Variants in CBLN2 observed in about 807,000 individuals in gnomAD.
CBLN2 encodes the protein cerebellin 2 precursor, also known as cerebellin-2.
In CBLN2, 7 loss-of-function variants were observed where a neutral mutation model predicts 15.0. The observed-to-expected ratio is 0.47, with a 90% CI of 0.27 to 0.88. The LOEUF (loss-of-function observed/expected upper bound fraction) is 0.88, where lower values mean the gene tolerates loss of function less well. Among genes scored for constraint, CBLN2 ranks in the 40% least tolerant of loss-of-function variants. The probability of loss-of-function intolerance (pLI) is 0.14; values close to 1 mark genes in which losing one functional copy is unlikely to be tolerated. For synonymous variants in CBLN2, 149 were observed against 135.2 expected, an observed-to-expected ratio of 1.10 and a Z score of -0.71; for missense variants, 242 against 304.5, an observed-to-expected ratio of 0.79 and a Z score of 1.53.
intron 1 of CBLN2, among the ~76,000 whole-genome samples, chr18:72,621,168 T>G (rs1157369392): frequency 2.0e-5 from 3 of 152,206 alleles, no homozygotes; most frequent in Non-Finnish European, 4.4e-5. Context: ...AGCGTTATGA[T>G]TCATAATTCT....
intron 1 of CBLN2, among the ~76,000 whole-genome samples, chr18:72,629,026 T>C (rs1307863075): frequency 6.6e-6 from 1 of 152,168 alleles, no homozygotes; most frequent in Non-Finnish European, 1.5e-5. Flanking sequence ...ACCTTGACCC[T>C]ATTAAATATG....
intron 1 of CBLN2, among the ~76,000 whole-genome samples, chr18:72,574,278 A>T (rs900984381): frequency 6.6e-6 from 1 of 152,176 alleles, no homozygotes; most frequent in Non-Finnish European, 1.5e-5. Context: ...AGAATTTTTT[A>T]AATTTTAATC....
At chr18:72,577,733 G>T (rs1170883912) in intron 1 of CBLN2, among the ~76,000 whole-genome samples, 1 of 152,158 alleles carries the variant, frequency 6.6e-6, no homozygotes, top group African/African-American at 2.4e-5. Context: ...AACACAGACG[G>T]ATCCATCACA....
At chr18:72,618,793 G>A in intron 1 of CBLN2, 1 of 735,766 alleles carries the variant, frequency 1.4e-6, no homozygotes, top group Non-Finnish European at 2.5e-6. Context: ...CAACTGTAAA[G>A]TTAGGAAAGC....
At chr18:72,596,189 T>G (rs2144936634) in intron 1 of CBLN2, among the ~76,000 whole-genome samples, 1 of 152,238 alleles carries the variant, frequency 6.6e-6, no homozygotes, top group Admixed American at 6.5e-5. Flanking sequence ...GTTGTATATT[T>G]TTTGATTTGC....
At chr18:72,619,213 G>A in intron 1 of CBLN2, 1 of 936,808 alleles carries the variant, frequency 1.1e-6, no homozygotes, top group Non-Finnish European at 1.7e-6. Flanking sequence ...GGCAGTGGCA[G>A]AAGATTTTAA....
intron 1 of CBLN2, among the ~76,000 whole-genome samples, chr18:72,577,040 T>TTA (rs1001927044): frequency 1.8e-4 from 26 of 147,454 alleles, no homozygotes; most frequent in Non-Finnish European, 2.8e-4. Flanking sequence ...AATGTATAAA[T>TTA]TATATATATA....
upstream of CBLN2, among the ~76,000 whole-genome samples, chr18:72,546,309 C>T (rs1055186739): frequency 1.3e-5 from 2 of 151,840 alleles, no homozygotes; most frequent in African/African-American, 4.8e-5. Flanking sequence ...TGGTGGCGGA[C>T]GCCTGTAGTC....
At chr18:72,538,534 C>A in intron 4 of CBLN2, 119 bp downstream of exon 4, 1 of 1,471,740 alleles carries the variant, frequency 6.8e-7, no homozygotes, top group Non-Finnish European at 9.4e-7. Flanking sequence ...AGAGCCACAT[C>A]ACCCCCTGGA....
intron 1 of CBLN2, among the ~76,000 whole-genome samples, chr18:72,619,578 G>C (rs147701957): frequency 3.6e-4 from 55 of 152,220 alleles, no homozygotes; most frequent in African/African-American, 1.0e-3. Context: ...AGTTTCTTTT[G>C]TACCTTCAGT....
chr18:72,560,581 G>T (rs1330387450), intron 1 of CBLN2, among the ~76,000 whole-genome samples: 1 of 152,216 alleles, frequency 6.6e-6, no homozygotes, highest in African/African-American at 2.4e-5. Context: ...GCAGAGTTGA[G>T]TGGCTGTGAC....
chr18:72,580,927 A>T (rs1311011696), intron 1 of CBLN2, among the ~76,000 whole-genome samples: 2 of 152,152 alleles, frequency 1.3e-5, no homozygotes, highest in Non-Finnish European at 2.9e-5. Flanking sequence ...CCTTGGCCCC[A>T]TCCTGCCCTC....
intron 1 of CBLN2, among the ~76,000 whole-genome samples, chr18:72,596,982 A>G (rs1238607830): frequency 1.3e-5 from 2 of 152,118 alleles, no homozygotes; most frequent in Non-Finnish European, 2.9e-5. Flanking sequence ...GTTCTCTGTT[A>G]TTATCCCTTT....
intron 1 of CBLN2, among the ~76,000 whole-genome samples, chr18:72,550,998 G>A (rs2069188714): frequency 6.6e-6 from 1 of 152,056 alleles, no homozygotes; most frequent in African/African-American, 2.4e-5. Flanking sequence ...GCAGGGCACA[G>A]TGTAAGAGTA....
At chr18:72,625,808 C>CTATA (rs1399918601) in intron 1 of CBLN2, among the ~76,000 whole-genome samples, 215 of 64,594 alleles carry the variant, frequency 3.3e-3, no homozygotes, top group South Asian at 6.8e-3. Context: ...CTCTCTCTCT[C>CTATA]TCTCTCTCTC....
intron 4 of CBLN2, 76 bp downstream of exon 4, chr18:72,538,577 G>T: frequency 1.3e-6 from 2 of 1,582,026 alleles, no homozygotes; most frequent in South Asian, 1.1e-5. Context: ...CAGCCTCAGA[G>T]ACCAGGTGAA....
chr18:72,614,399 G>A (rs1260592927), intron 1 of CBLN2, among the ~76,000 whole-genome samples: 3 of 152,076 alleles, frequency 2.0e-5, no homozygotes, highest in Non-Finnish European at 4.4e-5. Flanking sequence ...AGGTAATAAT[G>A]TTATTAATTC....
upstream of CBLN2, among the ~76,000 whole-genome samples, chr18:72,547,013 T>C (rs1054203618): frequency 1.3e-5 from 2 of 152,072 alleles, no homozygotes; most frequent in Non-Finnish European, 2.9e-5. Flanking sequence ...TGGAAAAGGA[T>C]ACCTACACTG....
chr18:72,551,060 G>C (rs1458995354), intron 1 of CBLN2, among the ~76,000 whole-genome samples: 1 of 151,810 alleles, frequency 6.6e-6, no homozygotes, highest in Non-Finnish European at 1.5e-5. Context: ...TTGCAAACAA[G>C]TACCGTGACA....
Sources: allele counts gnomAD v4.1 joint callset (sites outside exome capture counted in the v4.1 genomes callset), GRCh38; gene constraint gnomAD v4.1.1; transcripts MANE v1.5; gene names NCBI Gene and HGNC (gene_info 2026-07-23, HGNC 2026-07-21).